ALPL: variants seen among roughly 807,000 people sequenced by gnomAD.
ALPL encodes the protein alkaline phosphatase, tissue-nonspecific isozyme.
In ALPL, 42 loss-of-function variants were observed where a neutral mutation model predicts 51.3. The ratio of observed to expected loss-of-function variants is 0.82; its 90% CI spans 0.64 to 1.06. The LOEUF (loss-of-function observed/expected upper bound fraction) is 1.06, where lower values mean the gene tolerates loss of function less well. Ranked by LOEUF, ALPL falls within the 50% of genes least tolerant of loss-of-function variation. ALPL has a pLI of 0.00. For synonymous variants in ALPL, 279 were observed against 296.4 expected, an observed-to-expected ratio of 0.94 and a Z score of 0.60; for missense variants, 589 against 709.4, an observed-to-expected ratio of 0.83 and a Z score of 1.93.
intron 1 of ALPL, among the ~76,000 whole-genome samples, chr1:21,510,713 G>T (rs1025830842): frequency 6.6e-6 from 1 of 151,932 alleles, no homozygotes; most frequent in Admixed American, 6.5e-5. Context: ...CCTTGGTTTT[G>T]TCTTCCGGCT....
chr1:21,568,832 G>A (rs778955322), intron 7 of ALPL, among the ~76,000 whole-genome samples: 2 of 152,066 alleles, frequency 1.3e-5, no homozygotes, highest in African/African-American at 2.4e-5. Flanking sequence ...GCTGGAGGAC[G>A]GAATAGATTG....
At chr1:21,543,010 C>A (rs540121057) in intron 1 of ALPL, among the ~76,000 whole-genome samples, 4 of 151,766 alleles carry the variant, frequency 2.6e-5, no homozygotes, top group Admixed American at 2.0e-4. Context: ...AAACATTAAC[C>A]AAATGTGGTA....
chr1:21,558,991 T>TG (rs1162972012), intron 2 of ALPL, among the ~76,000 whole-genome samples: 2 of 152,072 alleles, frequency 1.3e-5, no homozygotes, highest in South Asian at 4.1e-4. Context: ...AGAAGCTGTG[T>TG]GGGGGGTCCC....
intron 1 of ALPL, among the ~76,000 whole-genome samples, chr1:21,535,765 C>A (rs189849749): frequency 1.2e-3 from 176 of 152,232 alleles, no homozygotes; most frequent in African/African-American, 3.9e-3. Context: ...CTGAGTGGAA[C>A]AAACTCTCAA....
intron 1 of ALPL, among the ~76,000 whole-genome samples, chr1:21,535,561 G>C (rs962726439): frequency 3.3e-5 from 5 of 152,010 alleles, no homozygotes; most frequent in Non-Finnish European, 7.4e-5. Context: ...GCTGCAGTGA[G>C]CTATGATCGT....
At chr1:21,531,123 T>G (rs2148089119) in intron 1 of ALPL, among the ~76,000 whole-genome samples, 2 of 151,962 alleles carry the variant, frequency 1.3e-5, no homozygotes, top group East Asian at 3.9e-4. Flanking sequence ...CCGGCTAATT[T>G]TTGTATTTTT....
intron 1 of ALPL, among the ~76,000 whole-genome samples, chr1:21,531,719 C>T (rs1002982921): frequency 1.3e-5 from 2 of 152,198 alleles, no homozygotes; most frequent in Non-Finnish European, 2.9e-5. Flanking sequence ...TGGGGCTGAA[C>T]TCCAACCCCA....
At chr1:21,535,429 T>G (rs1295878809) in intron 1 of ALPL, among the ~76,000 whole-genome samples, 1 of 152,064 alleles carries the variant, frequency 6.6e-6, no homozygotes. Context: ...CTGGGCAACA[T>G]AGCGAGACCT....
chr1:21,555,439 A>C (rs1376382962), intron 2 of ALPL, among the ~76,000 whole-genome samples: 14 of 152,216 alleles, frequency 9.2e-5, no homozygotes, highest in Non-Finnish European at 2.9e-5. Context: ...AGACAGAGAC[A>C]GACTCTCACT....
Position 21,554,012 on chromosome 1 carries a change from G to GGCCCCCCCCCCCCCCC in ALPL, c.-70_-69insGCCCCCCCCCCCCCCC. The GGCCCCCCCCCCCCCCC allele has an allele frequency of 1.0e-6, 1 of 995,214 alleles. No individual in the cohort carries two copies. The highest frequency in any genetic ancestry group is 1.6e-6 in the Non-Finnish European group (1 of 623,798). The allele number at this position is 995,214 out of a possible 1,614,324, so 61.6% of individuals were successfully genotyped here. ...ATCAGTTAACATCTGACCACTGCCA[G>GGCCCCCCCCCCCCCCC]CCCACCCCCTCCCACCCACGTCGAT... is the stretch of plus-strand genomic sequence containing the variant. On this transcript the variant is annotated 5_prime_UTR_variant, in exon 2 of 12. Transcript: ENST00000374840.
chr1:21,557,592 C>T (rs1378234907), intron 2 of ALPL, among the ~76,000 whole-genome samples: 2 of 152,198 alleles, frequency 1.3e-5, no homozygotes, highest in Non-Finnish European at 2.9e-5. Context: ...AGCAGTTCAA[C>T]TTTTTGTATC....
At chr1:21,521,338 G>GCA (rs772970391) in intron 1 of ALPL, among the ~76,000 whole-genome samples, 1 of 152,170 alleles carries the variant, frequency 6.6e-6, no homozygotes. Context: ...GTGCCTGACA[G>GCA]CACGCCTGGC....
At chr1:21,561,354 G>A (rs2148153009) in intron 4 of ALPL, 142 bp downstream of exon 4, 5 of 732,676 alleles carry the variant, frequency 6.8e-6, no homozygotes, top group Admixed American at 6.0e-5. Context: ...AGCAGCCACT[G>A]CCCTGACTTC....
At chr1:21,517,192 G>C (rs533321848) in intron 1 of ALPL, among the ~76,000 whole-genome samples, 66 of 152,330 alleles carry the variant, frequency 4.3e-4, no homozygotes, top group Admixed American at 2.2e-3. Context: ...AAAATCTTAA[G>C]TGTAAGTTGG....
At chr1:21,554,280 A>T (rs921427644) in intron 2 of ALPL, 138 bp downstream of exon 2, 2 of 819,672 alleles carry the variant, frequency 2.4e-6, no homozygotes, top group Non-Finnish European at 4.2e-6. Flanking sequence ...AGGAAACCTC[A>T]GCCCTGCTAC....
At chr1:21,530,429 T>G (rs1644012530) in intron 1 of ALPL, among the ~76,000 whole-genome samples, 1 of 152,226 alleles carries the variant, frequency 6.6e-6, no homozygotes, top group African/African-American at 2.4e-5. Flanking sequence ...TGTTTGATGC[T>G]GTGTCTTTGG....
At chr1:21,543,095 G>A (rs181005564) in intron 1 of ALPL, among the ~76,000 whole-genome samples, 32 of 152,144 alleles carry the variant, frequency 2.1e-4, no homozygotes, top group African/African-American at 7.2e-4. Flanking sequence ...AACTATGATC[G>A]TGCCACTGCA....
intron 2 of ALPL, among the ~76,000 whole-genome samples, chr1:21,555,157 T>TG (rs1308739594): frequency 9.7e-6 from 1 of 103,618 alleles, no homozygotes; most frequent in Non-Finnish European, 2.0e-5. Context: ...CGGGCAGGAG[T>TG]GGGGGTCACA....
At chr1:21,577,352 G>T (rs1367339119) in intron 11 of ALPL, 31 bp from the exon 12 acceptor site, 1 of 1,613,030 alleles carries the variant, frequency 6.2e-7, no homozygotes. Context: ...CCCCTGGCAG[G>T]CTCTCAGCAG....
Sources: gnomAD v4.1 joint callset for allele counts (sites outside exome capture counted in the v4.1 genomes callset) on GRCh38, gnomAD v4.1.1 for gene constraint, MANE v1.5 for transcripts, NCBI Gene and HGNC (gene_info 2026-07-23, HGNC 2026-07-21) for gene names.